PPP2R2A: variants seen among roughly 807,000 people sequenced by gnomAD.
PPP2R2A encodes serine/threonine-protein phosphatase 2A 55 kDa regulatory subunit B alpha isoform.
Under a neutral mutation model 53.2 loss-of-function variants are expected in PPP2R2A, and 9 were observed. The observed-to-expected ratio is 0.17, with a 90% confidence interval of 0.10 to 0.30. PPP2R2A has a LOEUF of 0.30. Among genes scored for constraint, PPP2R2A ranks in the 10% least tolerant of loss-of-function variants. The probability of loss-of-function intolerance (pLI) is 1.00; values close to 1 mark genes in which losing one functional copy is unlikely to be tolerated. For synonymous variants in PPP2R2A, 169 were observed against 174.2 expected (o/e 0.97, Z 0.23); for missense variants, 235 against 534.6 (o/e 0.44, Z 5.53).
intron 1 of PPP2R2A, chr8:26,293,337 CTTTAACT>C: frequency 7.1e-7 from 1 of 1,410,790 alleles, no homozygotes; most frequent in Non-Finnish European, 9.6e-7. Context: ...TAAGAAAACT[CTTTAACT>C]CTTGGTATTT....
intron 2 of PPP2R2A, among the ~76,000 whole-genome samples, chr8:26,336,414 G>A (rs962888178): frequency 3.1e-4 from 47 of 152,116 alleles, no homozygotes; most frequent in African/African-American, 1.1e-3. Context: ...GGGCAACAAA[G>A]CGAAACCCCA....
At chr8:26,302,253 T>C (rs1338711460) in intron 2 of PPP2R2A, among the ~76,000 whole-genome samples, 1 of 152,220 alleles carries the variant, frequency 6.6e-6, no homozygotes, top group African/African-American at 2.4e-5. Context: ...TTGTTGCCCA[T>C]GATGAAATTT....
intron 3 of PPP2R2A, among the ~76,000 whole-genome samples, chr8:26,353,518 A>G (rs1804622672): frequency 1.3e-5 from 2 of 152,232 alleles, no homozygotes; most frequent in African/African-American, 4.8e-5. Flanking sequence ...GTTGACTGTC[A>G]ATAATATCTC....
chr8:26,337,621 T>A (rs1468501031), intron 2 of PPP2R2A, among the ~76,000 whole-genome samples: 1 of 152,238 alleles, frequency 6.6e-6, no homozygotes, highest in Admixed American at 6.5e-5. Context: ...GTATATTCAG[T>A]TTTACGCCTT....
chr8:26,345,969 T>C (rs1326109707), intron 3 of PPP2R2A, among the ~76,000 whole-genome samples: 7 of 152,116 alleles, frequency 4.6e-5, no homozygotes, highest in Non-Finnish European at 7.4e-5. Context: ...TTTATTTTAC[T>C]TTTTGTTTTT....
chr8:26,344,427 A>G (rs1173471195), intron 3 of PPP2R2A, among the ~76,000 whole-genome samples: 1 of 152,196 alleles, frequency 6.6e-6, no homozygotes, highest in East Asian at 1.9e-4. Context: ...TGATGAGCCT[A>G]ATTGTTAGAA....
chr8:26,293,502 G>A, intron 1 of PPP2R2A, 164 bp from the exon 2 acceptor site: 1 of 712,344 alleles, frequency 1.4e-6, no homozygotes, highest in Non-Finnish European at 2.3e-6. Flanking sequence ...GCAGTACCAA[G>A]TATTGGGGAC....
At position 26,326,502 on chromosome 8, in the gene PPP2R2A, A is replaced by G. The variant is rs149819736; in HGVS notation, c.83-12388A>G. ...ACAATTCTGGCAGGAAACAAACTGT[A>G]TTGGGTGTGACTCTACCAAGAAAGA... On this transcript the variant is annotated intron_variant, in intron 2 of 9. Coordinates refer to ENST00000380737, the MANE Select transcript of PPP2R2A (RefSeq NM_002717.4). 1.1e-4 allele frequency among the ~76,000 whole-genome samples: 16 copies of G among 152,290 alleles called. 1 individual carries two copies. Among genetic ancestry groups the G allele is most frequent in the African/African-American group, 3.8e-4 (16 of 41,570 alleles).
chr8:26,331,713 C>G (rs995572655), intron 2 of PPP2R2A, among the ~76,000 whole-genome samples: 2 of 152,142 alleles, frequency 1.3e-5, no homozygotes, highest in African/African-American at 4.8e-5. Context: ...TTTGTAGATA[C>G]GTGCTCTTTA....
Position 26,362,191 on chromosome 8 carries a change from A to C in PPP2R2A, c.638-493A>C, listed in dbSNP as rs978549482. Among the ~76,000 whole-genome samples the C allele has an allele frequency of 1.1e-4, 17 of 151,650 alleles. No homozygotes were observed. Among genetic ancestry groups the C allele is most frequent in the African/African-American group, 3.9e-4 (16 of 41,398 alleles). On this transcript the variant is annotated intron_variant, in intron 6 of 9. Transcript: ENST00000380737. The surrounding 1 kb of genome is among the most constrained non-coding windows in gnomAD (Gnocchi z 4.4). ...GCAAGTCATGATGCATGATTGGGTAAATAAAAATATTCTATTGAGGCCGGG... is the reference window on the plus strand; with the variant it reads ...GCAAGTCATGATGCATGATTGGGTACATAAAAATATTCTATTGAGGCCGGG...
chr8:26,292,437 T>C (rs1801343254), intron 1 of PPP2R2A: 1 of 985,144 alleles, frequency 1.0e-6, no homozygotes, highest in African/African-American at 1.7e-5. Context: ...TGCAAGGCCT[T>C]TCATGTACAG....
chr8:26,369,011 G>A (rs1434111178), intron 9 of PPP2R2A, among the ~76,000 whole-genome samples: 2 of 150,860 alleles, frequency 1.3e-5, no homozygotes, highest in African/African-American at 4.9e-5. Flanking sequence ...AGGAGGCTGA[G>A]GCAGAAGAAT....
intron 4 of PPP2R2A, among the ~76,000 whole-genome samples, chr8:26,356,051 G>A (rs764129702): frequency 7.9e-5 from 12 of 152,150 alleles, no homozygotes; most frequent in Non-Finnish European, 1.3e-4. Flanking sequence ...TTTCTGGGTA[G>A]CCGTAGTCTA....
intron 2 of PPP2R2A, among the ~76,000 whole-genome samples, chr8:26,309,876 C>T (rs755032892): frequency 5.9e-5 from 9 of 151,998 alleles, no homozygotes; most frequent in Non-Finnish European, 1.2e-4. Flanking sequence ...ATAGTAATAT[C>T]AAAGATCATT....
At chr8:26,327,852 G>A (rs1803174267) in intron 2 of PPP2R2A, among the ~76,000 whole-genome samples, 1 of 152,132 alleles carries the variant, frequency 6.6e-6, no homozygotes, top group African/African-American at 2.4e-5. Context: ...TCATGAAAAT[G>A]GGTCATGTGA....
At chr8:26,330,461 G>A (rs563029328) in intron 2 of PPP2R2A, among the ~76,000 whole-genome samples, 52 of 151,736 alleles carry the variant, frequency 3.4e-4, no homozygotes, top group Admixed American at 2.4e-3. Flanking sequence ...CTGAGTAGCC[G>A]GGACCGCAGG....
chr8:26,357,785 T>C (rs1338072741), intron 4 of PPP2R2A, among the ~76,000 whole-genome samples: 1 of 152,028 alleles, frequency 6.6e-6, no homozygotes, highest in Admixed American at 6.6e-5. Context: ...TCTGTTCTTC[T>C]GCAGTTTCTC....
At chr8:26,364,746 G>A (rs1279582548) in intron 8 of PPP2R2A, among the ~76,000 whole-genome samples, 2 of 152,162 alleles carry the variant, frequency 1.3e-5, no homozygotes, top group Non-Finnish European at 2.9e-5. Flanking sequence ...TCAAAGTATA[G>A]TTCACTATTG....
At chr8:26,299,665 A>G (rs927721862) in intron 2 of PPP2R2A, among the ~76,000 whole-genome samples, 1 of 152,140 alleles carries the variant, frequency 6.6e-6, no homozygotes, top group Non-Finnish European at 1.5e-5. Flanking sequence ...AGTCCATTCC[A>G]TATGTTTAAT....
Sources: gnomAD v4.1 joint callset for allele counts (sites outside exome capture counted in the v4.1 genomes callset) on GRCh38, gnomAD v4.1.1 for gene constraint, Gnocchi (gnomAD v3.1) non-coding constraint, MANE v1.5 for transcripts, NCBI Gene and HGNC (gene_info 2026-07-23, HGNC 2026-07-21) for gene names.